Variants in KDM7A observed in about 807,000 individuals in gnomAD.
The protein encoded by KDM7A is lysine-specific demethylase 7A.
A neutral mutation model predicts 114.8 loss-of-function variants in KDM7A; 28 were observed. The observed-to-expected ratio is 0.24, with a 90% CI of 0.18 to 0.33. The LOEUF (loss-of-function observed/expected upper bound fraction) is 0.33. Ranked by LOEUF, KDM7A falls within the 10% of genes least tolerant of loss-of-function variation. The probability of loss-of-function intolerance (pLI) is 1.00; values close to 1 mark genes in which losing one functional copy is unlikely to be tolerated. For synonymous variants in KDM7A, 423 were observed against 397.8 expected (o/e 1.06, Z -0.75); for missense variants, 942 against 1,142.5 (o/e 0.82, Z 2.53).
intron 11 of KDM7A, among the ~76,000 whole-genome samples, chr7:140,109,432 G>C (rs571873832): frequency 1.5e-4 from 23 of 152,322 alleles, no homozygotes; most frequent in African/African-American, 5.1e-4. Context: ...TTATAAGGCT[G>C]AGTAGTATTC....
At chr7:140,091,604 ATCTG>A (rs1316197613) in intron 19 of KDM7A, among the ~76,000 whole-genome samples, 196 bp downstream of exon 19, 2 of 151,964 alleles carry the variant, frequency 1.3e-5, no homozygotes, top group Admixed American at 1.3e-4. Context: ...TGATTTTAGG[ATCTG>A]TCTCTCGCTC....
At chr7:140,174,397 G>C in intron 1 of KDM7A, among the ~76,000 whole-genome samples, 1 of 151,994 alleles carries the variant, frequency 6.6e-6, no homozygotes, top group East Asian at 1.9e-4. Context: ...ATTTGTTTTG[G>C]CCTTGCTCTC....
rs1404554008 is a variant in KDM7A at position 140,090,409 on chromosome 7, A to C, written c.*685T>G. On this transcript the variant is annotated 3_prime_UTR_variant, in exon 20 of 20. Coordinates refer to ENST00000397560, the MANE Select transcript of KDM7A (RefSeq NM_030647.2). ...GGGAAGGTGGGATATAAGGTAATCA[A>C]CCTGGATAACAGTATGCACCTTGGA... 1 of 152,230 alleles carries C rather than the reference A, an allele frequency of 6.6e-6. No homozygotes were observed. Among genetic ancestry groups the C allele is most frequent in the Non-Finnish European group, 1.5e-5 (1 of 68,044 alleles). 9.4% of individuals were successfully genotyped at this position (152,230 alleles called of 1,614,324 possible). A position where few individuals can be genotyped will look rare whatever the true frequency, so the allele number is the denominator to read the frequency against.
intron 10 of KDM7A, among the ~76,000 whole-genome samples, chr7:140,112,396 G>A (rs956860306): frequency 1.3e-5 from 2 of 152,136 alleles, no homozygotes; most frequent in Non-Finnish European, 1.5e-5. Flanking sequence ...GATCACCTGA[G>A]GTCAGGAGCT....
intron 14 of KDM7A, among the ~76,000 whole-genome samples, chr7:140,098,672 G>A (rs1419987049): frequency 6.6e-6 from 1 of 152,096 alleles, no homozygotes; most frequent in African/African-American, 2.4e-5. Flanking sequence ...CCCTCACTGA[G>A]AACACCGCCC....
chr7:140,116,986 C>T (rs1317077606), intron 9 of KDM7A, among the ~76,000 whole-genome samples: 2 of 152,106 alleles, frequency 1.3e-5, no homozygotes, highest in Non-Finnish European at 2.9e-5. Context: ...CAATAGGCCA[C>T]AATGTAAAGT....
At chr7:140,146,742 G>T (rs968480394) in intron 1 of KDM7A, among the ~76,000 whole-genome samples, 1 of 152,194 alleles carries the variant, frequency 6.6e-6, no homozygotes, top group Non-Finnish European at 1.5e-5. Context: ...GGTGAGTGGG[G>T]CAGTGACAAC....
At chr7:140,153,747 G>A (rs569211376) in intron 1 of KDM7A, among the ~76,000 whole-genome samples, 25 of 152,300 alleles carry the variant, frequency 1.6e-4, no homozygotes, top group African/African-American at 4.8e-4. Flanking sequence ...CTAGAGTTCC[G>A]CAAATGGCGG....
At chr7:140,174,561 T>C (rs1412009613) in intron 1 of KDM7A, among the ~76,000 whole-genome samples, 1 of 152,232 alleles carries the variant, frequency 6.6e-6, no homozygotes. Flanking sequence ...AGTCTAAAAT[T>C]TGGTAGCCTA....
In KDM7A at chr7:140,149,995, G is replaced by A. The variant is rs115394538; in HGVS notation, c.195-10805C>T. Among the ~76,000 whole-genome samples, 670 of 152,208 alleles carry A rather than the reference G, an allele frequency of 4.4e-3. 8 individuals carry two copies. The highest frequency in any genetic ancestry group is 0.014 in the African/African-American group (598 of 41,542). On this transcript the variant is annotated intron_variant, in intron 1 of 19. Transcript: ENST00000397560. ...AAATATAGGTATTAGAGTGAAAGTC[G>A]CGTAGAGAAAAATGATTCCTTTGGC...
chr7:140,096,425 G>A, intron 17 of KDM7A, 130 bp downstream of exon 17: 1 of 694,678 alleles, frequency 1.4e-6, no homozygotes, highest in Non-Finnish European at 2.4e-6. Context: ...TGCTTTTTTT[G>A]GTCAACCTTC....
chr7:140,143,588 G>A (rs1270442305), intron 1 of KDM7A, among the ~76,000 whole-genome samples: 1 of 152,098 alleles, frequency 6.6e-6, no homozygotes, highest in African/African-American at 2.4e-5. Context: ...ATCTTGAAAT[G>A]TATTAATCTA....
Position 140,089,247 on chromosome 7 carries a change from T to C in KDM7A, c.*1847A>G, listed in dbSNP as rs1817981708. ...ACACTAAGGATTTCCATAAAAATTCTTTTTCCTGATACCCAGATAAGATTC... is the reference window on the plus strand; with the variant it reads ...ACACTAAGGATTTCCATAAAAATTCCTTTTCCTGATACCCAGATAAGATTC... On this transcript the variant is annotated 3_prime_UTR_variant, in exon 20 of 20. Coordinates refer to ENST00000397560, the MANE Select transcript of KDM7A (RefSeq NM_030647.2). 1 of 152,220 alleles carries C rather than the reference T, an allele frequency of 6.6e-6. No individual in the cohort carries two copies. The highest frequency in any genetic ancestry group is 2.1e-4 in the South Asian group (1 of 4,832). The allele number at this position is 152,220 out of a possible 1,614,324, so 9.4% of individuals were successfully genotyped here.
intron 12 of KDM7A, among the ~76,000 whole-genome samples, chr7:140,101,459 G>A (rs1459853814): frequency 6.6e-6 from 1 of 152,104 alleles, no homozygotes; most frequent in East Asian, 1.9e-4. Context: ...TTACTCAGCT[G>A]TCGGTTCAAA....
intron 12 of KDM7A, among the ~76,000 whole-genome samples, chr7:140,100,706 A>T (rs1340701011): frequency 2.8e-5 from 1 of 35,422 alleles, no homozygotes; most frequent in African/African-American, 8.6e-5. Flanking sequence ...ATATATATAT[A>T]TACACATATA....
In KDM7A at chr7:140,099,000, A is replaced by C. The variant is rs749158181; in HGVS notation, c.1797T>G (p.Leu599=). 1.2e-5 allele frequency: 20 copies of C among 1,613,216 alleles called. No individual in the cohort carries two copies. The highest frequency in any genetic ancestry group is 1.7e-5 in the Non-Finnish European group (20 of 1,179,650). Residue 599 remains leucine (L), a synonymous_variant, in exon 14 of 20, where the codon CTT becomes CTG. Coordinates refer to ENST00000397560, the MANE Select transcript of KDM7A (RefSeq NM_030647.2). Reference sequence around the variant, plus strand: ...CTTCATTTTCACTATCTGCTGTATAAAGACTTTGATCTGCAAAGGGCTGCC... The same window carrying C: ...CTTCATTTTCACTATCTGCTGTATACAGACTTTGATCTGCAAAGGGCTGCC... ...DERQPFADQS[L]YTADSENEED...
Position 140,124,758 on chromosome 7 carries a change from T to C in KDM7A, c.914A>G (p.Lys305Arg). ...ACGTGCCAAATTTTCATCTGTTGGC[T>C]TTATTAAATAAAAAATCTTCTCACC... ...LWGEKIFYLIKPTDENLARYE... is the reference protein window; with the variant it reads ...LWGEKIFYLIRPTDENLARYE... The change falls in exon 7 of 20, where the codon AAG becomes AGG. Residue 305 changes from lysine (K) to arginine (R), a missense_variant. By Grantham distance (26) the Lys-to-Arg change is conservative. Coordinates refer to ENST00000397560, the MANE Select transcript of KDM7A (RefSeq NM_030647.2). The C allele has an allele frequency of 6.2e-7, 1 of 1,608,674 alleles. No individual in the cohort carries two copies. The highest frequency in any genetic ancestry group is 8.5e-7 in the Non-Finnish European group (1 of 1,177,694).
Position 140,152,722 on chromosome 7 carries a change from C to G in KDM7A, c.195-13532G>C, listed in dbSNP as rs149338308. Among the ~76,000 whole-genome samples the G allele has an allele frequency of 4.3e-3, 650 of 152,158 alleles. 4 individuals are homozygous for G. The highest frequency in any genetic ancestry group is 0.015 in the African/African-American group (636 of 41,522). Reference sequence around the variant, plus strand: ...GTTGCCAGGAAAGGTCAACAGCAAGCACTGGACCATTCTATTTCGAAACAT... The same window carrying G: ...GTTGCCAGGAAAGGTCAACAGCAAGGACTGGACCATTCTATTTCGAAACAT... On this transcript the variant is annotated intron_variant, in intron 1 of 19. Coordinates refer to ENST00000397560, the MANE Select transcript of KDM7A (RefSeq NM_030647.2).
intron 11 of KDM7A, 77 bp from the exon 12 acceptor site, chr7:140,102,237 AT>A: frequency 9.2e-7 from 1 of 1,081,884 alleles, no homozygotes; most frequent in Non-Finnish European, 1.4e-6. Context: ...ATCCATAAAA[AT>A]ATTTCAGAAA....
Sources: gnomAD v4.1 joint callset for allele counts (sites outside exome capture counted in the v4.1 genomes callset) on GRCh38, gnomAD v4.1.1 for gene constraint, MANE v1.5 for transcripts, NCBI Gene and HGNC (gene_info 2026-07-23, HGNC 2026-07-21) for gene names.